Variants in SYT17 observed in about 807,000 individuals in gnomAD.
SYT17 encodes synaptotagmin-17.
Under a neutral mutation model 46.7 loss-of-function variants are expected in SYT17, and 22 were observed. The observed-to-expected ratio is 0.47, with a 90% CI of 0.34 to 0.67. The LOEUF is 0.67. SYT17 is among the 30% of genes least tolerant of loss of function. The pLI is 0.01. For synonymous variants in SYT17, 251 were observed against 248.4 expected, an observed-to-expected ratio of 1.01 and a Z score of -0.10; for missense variants, 519 against 612.8, an observed-to-expected ratio of 0.85 and a Z score of 1.62.
chr16:19,217,769 T>A (rs1032220708), intron 5 of SYT17, among the ~76,000 whole-genome samples: 41 of 152,218 alleles, frequency 2.7e-4, no homozygotes, highest in African/African-American at 9.2e-4. Flanking sequence ...TGCACCAGTT[T>A]TCATTACCAC....
At chr16:19,211,295 G>A (rs1032861029) in intron 5 of SYT17, 9 of 649,322 alleles carry the variant, frequency 1.4e-5, no homozygotes, top group African/African-American at 3.6e-5. Flanking sequence ...ATAGGACAGG[G>A]GGTGGAACAT....
At chr16:19,226,779 C>T (rs1966511972) in intron 7 of SYT17, among the ~76,000 whole-genome samples, 1 of 152,186 alleles carries the variant, frequency 6.6e-6, no homozygotes, top group South Asian at 2.1e-4. Context: ...TCCCAAGTCC[C>T]TGCTGAGAAT....
At chr16:19,213,673 C>A in intron 5 of SYT17, among the ~76,000 whole-genome samples, 2 of 152,104 alleles carry the variant, frequency 1.3e-5, no homozygotes, top group African/African-American at 4.8e-5. Context: ...CCATGCTAAG[C>A]TAATTAAAAA....
chr16:19,208,884 CTT>C (rs1191498524), intron 5 of SYT17, among the ~76,000 whole-genome samples: 274 of 63,258 alleles, frequency 4.3e-3, no homozygotes, highest in African/African-American at 0.018. Flanking sequence ...CAAGGACCTT[CTT>C]TTTTTTTTTT....
In SYT17 at chr16:19,184,028, G is replaced by A. The variant is rs145973449; in HGVS notation, c.832G>A (p.Val278Met). 164 of 1,614,008 alleles carry A rather than the reference G, an allele frequency of 1.0e-4. No homozygotes were observed. Among genetic ancestry groups the A allele is most frequent in the Admixed American group, 2.3e-4 (14 of 59,990 alleles). Residue 278 changes from valine (V) to methionine (M), a missense_variant, in exon 5 of 8, where the codon GTG becomes ATG. Coordinates refer to ENST00000355377, the MANE Select transcript of SYT17 (RefSeq NM_016524.4). ...EAQRRTLLLT[V>M]VDFDKFSRHC... ...CCAGAGGAGGACCCTGCTCCTGACC[G>A]TGGTGGATTTTGATAAGTTCTCCCG...
intron 5 of SYT17, among the ~76,000 whole-genome samples, chr16:19,194,800 G>C (rs1258546492): frequency 1.3e-5 from 2 of 152,116 alleles, no homozygotes; most frequent in Admixed American, 1.3e-4. Flanking sequence ...GTCTTGCTGT[G>C]TTGCCCAGGC....
At chr16:19,216,433 G>A (rs1966099191) in intron 5 of SYT17, among the ~76,000 whole-genome samples, 1 of 150,332 alleles carries the variant, frequency 6.7e-6, no homozygotes, top group Admixed American at 6.6e-5. Context: ...TGCAGAACGT[G>A]CAGGTTTGTT....
At chr16:19,179,929 A>G (rs1964479199) in intron 3 of SYT17, among the ~76,000 whole-genome samples, 1 of 152,230 alleles carries the variant, frequency 6.6e-6, no homozygotes, top group South Asian at 2.1e-4. Flanking sequence ...ACATTGTTAT[A>G]GGATATTTTT....
intron 3 of SYT17, among the ~76,000 whole-genome samples, chr16:19,179,052 T>C (rs754235236): frequency 6.7e-6 from 1 of 148,644 alleles, no homozygotes; most frequent in South Asian, 2.1e-4. Flanking sequence ...AACAATGAAT[T>C]GATCGATCAA....
intron 4 of SYT17, among the ~76,000 whole-genome samples, chr16:19,181,690 C>T (rs73532715): frequency 0.026 from 3,599 of 137,450 alleles, 132 homozygotes; most frequent in African/African-American, 0.096. Context: ...ACTGGACTTT[C>T]AGGACAGTGA....
intron 5 of SYT17, among the ~76,000 whole-genome samples, chr16:19,199,938 A>G (rs1439612181): frequency 6.6e-6 from 1 of 152,232 alleles, no homozygotes; most frequent in Non-Finnish European, 1.5e-5. Flanking sequence ...AACCCATTTA[A>G]TTCCCACAAC....
chr16:19,235,511 A>G (rs899657339), intron 7 of SYT17, among the ~76,000 whole-genome samples: 3 of 152,224 alleles, frequency 2.0e-5, no homozygotes, highest in African/African-American at 7.2e-5. Context: ...ATAATATTAA[A>G]AATGGCCAGG....
At chr16:19,257,157 A>T (rs1455477542) in intron 7 of SYT17, among the ~76,000 whole-genome samples, 1 of 152,204 alleles carries the variant, frequency 6.6e-6, no homozygotes, top group African/African-American at 2.4e-5. Context: ...AGTTAACTGA[A>T]TCGTCATTAT....
At chr16:19,169,370 C>G (rs956370129) in intron 1 of SYT17, among the ~76,000 whole-genome samples, 2 of 152,218 alleles carry the variant, frequency 1.3e-5, no homozygotes, top group African/African-American at 4.8e-5. Flanking sequence ...AAAGACCTTT[C>G]TCCTCTGCAA....
intron 3 of SYT17, chr16:19,180,098 G>A: frequency 3.2e-6 from 1 of 312,138 alleles, no homozygotes; most frequent in East Asian, 6.2e-5. Context: ...GCCCCCACGT[G>A]GCGACAGCTT....
At chr16:19,231,018 C>G (rs1966661023) in intron 7 of SYT17, among the ~76,000 whole-genome samples, 1 of 152,150 alleles carries the variant, frequency 6.6e-6, no homozygotes, top group Non-Finnish European at 1.5e-5. Context: ...TATAGTTTAT[C>G]TACGTTGTCT....
chr16:19,204,190 C>G (rs78309258), intron 5 of SYT17, among the ~76,000 whole-genome samples: 29 of 152,272 alleles, frequency 1.9e-4, no homozygotes, highest in Non-Finnish European at 3.5e-4. Context: ...CCTGGCCCCA[C>G]CCATTAGATG....
chr16:19,237,634 CT>C (rs1340724124), intron 7 of SYT17, among the ~76,000 whole-genome samples: 1 of 152,248 alleles, frequency 6.6e-6, no homozygotes, highest in Non-Finnish European at 1.5e-5. Context: ...CTGCCCTGAG[CT>C]GCTACTCAGC....
At chr16:19,210,363 A>G (rs1413461926) in intron 5 of SYT17, among the ~76,000 whole-genome samples, 1 of 152,092 alleles carries the variant, frequency 6.6e-6, no homozygotes, top group Non-Finnish European at 1.5e-5. Flanking sequence ...CACCGTGCCC[A>G]GCCCCAAACA....
Sources: gnomAD v4.1 joint callset for allele counts (sites outside exome capture counted in the v4.1 genomes callset) on GRCh38, gnomAD v4.1.1 for gene constraint, MANE v1.5 for transcripts, NCBI Gene and HGNC (gene_info 2026-07-23, HGNC 2026-07-21) for gene names.